Variants in KRT26 observed in about 807,000 individuals in gnomAD.
KRT26 encodes the protein keratin, type I cytoskeletal 26.
KRT26 carries 45 observed loss-of-function variants against 46.1 expected under a neutral mutation model. The ratio of observed to expected loss-of-function variants is 0.98; its 90% CI spans 0.77 to 1.25. The LOEUF is 1.25. KRT26 is among the 50% of genes most tolerant of loss of function. The pLI, the probability that KRT26 is intolerant of heterozygous loss-of-function variation, is 0.00. For missense variants in KRT26, 582 were observed against 560.1 expected, an observed-to-expected ratio of 1.04 and a Z score of -0.39; for synonymous variants, 191 against 209.9, an observed-to-expected ratio of 0.91 and a Z score of 0.78.
rs377690008 is a variant in KRT26, at chr17:40,767,673, T to C, written c.1188-20A>G. The C allele has an allele frequency of 1.4e-4, 203 of 1,489,352 alleles. 1 individual carries two copies. The African/African-American group carries it at 2.5e-3, about 18-fold the overall frequency. The allele number at this position is 1,489,352 out of a possible 1,614,324, so 92.3% of individuals were successfully genotyped here. On this transcript the variant is annotated intron_variant, in intron 6 of 7. Transcript: ENST00000335552. ...CTTTTTCTGTGAAGAGAAGAGTAAA[T>C]TATTGCATTTTTTTTTCTTTCCTTA...
At chr17:40,771,080 A>G in intron 2 of KRT26, 74 bp downstream of exon 2, 1 of 895,408 alleles carries the variant, frequency 1.1e-6, no homozygotes, top group South Asian at 2.1e-5. Flanking sequence ...TTTCAAAGCA[A>G]AATATATATT....
At chr17:40,769,614 A>G (rs2038201732) in intron 5 of KRT26, 140 bp downstream of exon 5, 1 of 914,544 alleles carries the variant, frequency 1.1e-6, no homozygotes, top group Non-Finnish European at 1.6e-6. Flanking sequence ...TTAGGGACAG[A>G]ATTCTTGATA....
At chr17:40,766,466 TTC>T (rs35253595) in exon 8 of KRT26, 538,023 of 1,359,212 alleles carry the variant, frequency 0.4, 105,976 homozygotes, top group East Asian at 0.63. Context: ...CTTTCTTTCT[TTC>T]TCTCTCTCTC....
chr17:40,771,807 C>T, exon 1 of KRT26: 1 of 1,614,198 alleles, frequency 6.2e-7, no homozygotes, highest in South Asian at 1.1e-5. Flanking sequence ...TCCTCTAGAG[C>T]ATGCACATGG....
rs368218339 is a variant in KRT26 at position 40,770,269 on chromosome 17, T to C, written c.665A>G (p.Lys222Arg). ...CTTCCTTACCTCCTCATGACTTTTT[T>C]TGAGGTAGGTCAATTCCTCACTGAG... The change falls in exon 3 of 8, where the codon AAA becomes AGA. Residue 222 changes from lysine (K) to arginine (R), a missense_variant. By Grantham distance (26) the Lys-to-Arg change is conservative. Transcript: ENST00000335552. 18 of 1,614,098 alleles carry C rather than the reference T, an allele frequency of 1.1e-5. No individual in the cohort carries two copies. Among genetic ancestry groups the C allele is most frequent in the Non-Finnish European group, 1.4e-5 (16 of 1,180,050 alleles).
At chr17:40,771,673 C>T (rs1182647318) in exon 1 of KRT26, 2 of 1,603,096 alleles carry the variant, frequency 1.2e-6, no homozygotes, top group East Asian at 4.5e-5. Context: ...TATTTCTTAC[C>T]TGCCTTTTAA....
At chr17:40,768,909 A>G (rs745897779) in exon 6 of KRT26, 3 of 1,604,120 alleles carry the variant, frequency 1.9e-6, no homozygotes, top group African/African-American at 1.3e-5. Context: ...GTTGCAATAA[A>G]TGTCAATTTC....
exon 1 of KRT26, chr17:40,772,119 C>T (rs1199872526): frequency 5.0e-6 from 8 of 1,612,430 alleles, no homozygotes; most frequent in Admixed American, 3.3e-5. Context: ...GACATGGTGG[C>T]AGCACAGCCG....
At chr17:40,766,502 A>G (rs375716171) in exon 8 of KRT26, 38 of 1,527,690 alleles carry the variant, frequency 2.5e-5, no homozygotes, top group Non-Finnish European at 3.3e-5. Flanking sequence ...CTTTCCAAAT[A>G]ACTTTTTCCT....
At position 40,771,455 on chromosome 17, in the gene KRT26, T is replaced by C. The variant is rs78327957; in HGVS notation, c.441+218A>G. 3.5e-3 allele frequency among the ~76,000 whole-genome samples: 536 copies of C among 152,358 alleles called. 2 individuals carry two copies. Among genetic ancestry groups the C allele is most frequent in the Middle Eastern group, 0.017 (5 of 294 alleles). On this transcript the variant is annotated intron_variant, in intron 1 of 7. Coordinates refer to ENST00000335552, the Ensembl canonical transcript of KRT26. ...TTGATCAAATGGTATGAGCTAAATA[T>C]ATGAAAAACGAAGTGACTATATCTG...
rs148011392 is a variant in KRT26 at position 40,770,185 on chromosome 17, C to T, written c.682-63G>A. 1.4e-3 allele frequency: 2,206 copies of T among 1,610,434 alleles called. 27 individuals are homozygous for T. In the African/African-American group the frequency reaches 0.026, roughly 19 times the overall value. On this transcript the variant is annotated intron_variant, in intron 3 of 7. Coordinates refer to ENST00000335552, the Ensembl canonical transcript of KRT26. ...TTTGATTGATGTTCATGCCCTGCTA[C>T]GAAATGAACAGTGGACTTCAAGAAG... is the stretch of plus-strand genomic sequence containing the variant.
chr17:40,768,819 T>C (rs955981377), intron 6 of KRT26, 60 bp downstream of exon 6: 2 of 900,366 alleles, frequency 2.2e-6, no homozygotes, highest in Middle Eastern at 6.7e-4. Context: ...GGCATACCTA[T>C]ACTGTGGGAA....
intron 1 of KRT26, 105 bp downstream of exon 1, chr17:40,771,568 A>C (rs755569532): frequency 1.7e-5 from 17 of 1,012,744 alleles, no homozygotes; most frequent in Non-Finnish European, 2.3e-5. Flanking sequence ...AGAGTGAACA[A>C]ATCTTACATC....
In KRT26 at chr17:40,769,085, A is replaced by T. The variant is rs761229930; in HGVS notation, c.981T>A (p.Tyr327Ter). ...CTTCAGTCTCAGCCAAGGAGCATTC[A>T]TAGGAATGTTTCTGAAAGAAAAGCA... is the stretch of plus-strand genomic sequence containing the variant. Residue 327 changes from tyrosine (Y) to a stop codon, truncating the protein, a stop_gained, in exon 6 of 8, where the codon TAT becomes TAA. Coordinates refer to ENST00000335552, the Ensembl canonical transcript of KRT26. LOFTEE classifies it high-confidence loss of function. 3 of 1,612,392 alleles carry T rather than the reference A, an allele frequency of 1.9e-6. No individual in the cohort carries two copies. The highest frequency in any genetic ancestry group is 2.5e-6 in the Non-Finnish European group (3 of 1,178,748).
At chr17:40,771,103 T>A in intron 2 of KRT26, 51 bp downstream of exon 2, 1 of 1,064,472 alleles carries the variant, frequency 9.4e-7, no homozygotes, top group Non-Finnish European at 1.4e-6. Context: ...TTAATCCAAT[T>A]GTAATATTTT....
At chr17:40,768,747 T>C in intron 6 of KRT26, 132 bp downstream of exon 6, 1 of 540,122 alleles carries the variant, frequency 1.9e-6, no homozygotes, top group Non-Finnish European at 3.2e-6. Flanking sequence ...GCTGCAATAA[T>C]ATACATTCCT....
exon 8 of KRT26, chr17:40,766,503 A>C (rs2038173463): frequency 6.5e-7 from 1 of 1,530,976 alleles, no homozygotes; most frequent in South Asian, 1.3e-5. Flanking sequence ...TTTCCAAATA[A>C]CTTTTTCCTC....
At chr17:40,768,296 C>T (rs976845972) in intron 6 of KRT26, among the ~76,000 whole-genome samples, 1 of 152,186 alleles carries the variant, frequency 6.6e-6, no homozygotes, top group African/African-American at 2.4e-5. Context: ...TGTAGTGAGA[C>T]ATTATAGTTA....
chr17:40,767,656 G>T lies in KRT26; in HGVS notation c.1188-3C>A. On this transcript the variant is annotated splice_region_variant and splice_polypyrimidine_tract_variant and intron_variant, in intron 6 of 7. Transcript: ENST00000335552. ...TGTAACATGTGGATTTGCTTTTTCT[G>T]TGAAGAGAAGAGTAAATTATTGCAT... is the stretch of plus-strand genomic sequence containing the variant. The T allele has an allele frequency of 6.3e-7, 1 of 1,587,790 alleles. No individual in the cohort carries two copies. The highest frequency in any genetic ancestry group is 8.6e-7 in the Non-Finnish European group (1 of 1,162,606).
Sources: gnomAD v4.1 joint callset for allele counts (sites outside exome capture counted in the v4.1 genomes callset) on GRCh38, gnomAD v4.1.1 for gene constraint, MANE v1.5 for transcripts, NCBI Gene and HGNC (gene_info 2026-07-23, HGNC 2026-07-21) for gene names.